ANKFN1: variants seen among roughly 807,000 people sequenced by gnomAD.
ANKFN1 encodes ankyrin repeat and fibronectin type III domain containing 1, also known as ankyrin repeat and fibronectin type-III domain-containing protein 1.
In ANKFN1, 74 loss-of-function variants were observed where a neutral mutation model predicts 108.7. That is an observed-to-expected ratio of 0.68 (90% CI 0.56 to 0.83). The LOEUF is 0.83. Ranked by LOEUF, ANKFN1 falls within the 40% of genes least tolerant of loss-of-function variation. The pLI, the probability that ANKFN1 is intolerant of heterozygous loss-of-function variation, is 0.00. For missense variants in ANKFN1, 1,505 were observed against 1,382.3 expected, an observed-to-expected ratio of 1.09 and a Z score of -1.41; for synonymous variants, 547 against 516.2, an observed-to-expected ratio of 1.06 and a Z score of -0.81.
At chr17:56,048,429 A>G (rs1458189271) in intron 4 of ANKFN1, among the ~76,000 whole-genome samples, 3 of 152,218 alleles carry the variant, frequency 2.0e-5, no homozygotes, top group Non-Finnish European at 2.9e-5. Flanking sequence ...CATCAATAAT[A>G]TGGTCCAGAT....
At chr17:56,339,389 C>T (rs1418377225) in intron 4 of ANKFN1, among the ~76,000 whole-genome samples, 2 of 151,934 alleles carry the variant, frequency 1.3e-5, no homozygotes, top group Non-Finnish European at 2.9e-5. Flanking sequence ...TTTTGTTGTA[C>T]AGATTGTTTC....
chr17:56,347,626 G>A (rs2046139714), intron 4 of ANKFN1, among the ~76,000 whole-genome samples: 1 of 152,008 alleles, frequency 6.6e-6, no homozygotes, highest in Non-Finnish European at 1.5e-5. Flanking sequence ...ATAACAGAAA[G>A]TTGTCTTTCT....
intron 3 of ANKFN1, among the ~76,000 whole-genome samples, chr17:56,246,347 C>T (rs1286233190): frequency 6.6e-6 from 1 of 152,100 alleles, no homozygotes; most frequent in Non-Finnish European, 1.5e-5. Context: ...ATAATCTGCT[C>T]TATTCCCTTC....
At chr17:56,243,548 T>C (rs1396851387) in intron 3 of ANKFN1, among the ~76,000 whole-genome samples, 1 of 152,140 alleles carries the variant, frequency 6.6e-6, no homozygotes, top group African/African-American at 2.4e-5. Context: ...TGGTTTCAAG[T>C]AGTAAGCCCA....
chr17:56,108,011 G>A (rs957607877), intron 4 of ANKFN1, among the ~76,000 whole-genome samples: 3 of 151,662 alleles, frequency 2.0e-5, no homozygotes, highest in African/African-American at 4.8e-5. Context: ...ACATGCATGC[G>A]CCACCACACC....
At chr17:56,317,472 G>A (rs1405731816) in intron 3 of ANKFN1, among the ~76,000 whole-genome samples, 1 of 152,136 alleles carries the variant, frequency 6.6e-6, no homozygotes, top group African/African-American at 2.4e-5. Flanking sequence ...TGAAATGTTT[G>A]TTTGGAGGGC....
At chr17:56,244,692 G>A (rs896117019) in intron 3 of ANKFN1, among the ~76,000 whole-genome samples, 10 of 152,136 alleles carry the variant, frequency 6.6e-5, no homozygotes, top group Non-Finnish European at 1.2e-4. Context: ...GACAACCTCA[G>A]CAGAGCAGTT....
intron 8 of ANKFN1, among the ~76,000 whole-genome samples, chr17:56,434,317 C>T (rs978853068): frequency 6.7e-6 from 1 of 149,316 alleles, no homozygotes; most frequent in Non-Finnish European, 1.5e-5. Flanking sequence ...ATCTAGCCTT[C>T]TGATTCCAAC....
chr17:56,457,066 A>AAATTC, intron 12 of ANKFN1, 106 bp downstream of exon 12: 1 of 1,239,314 alleles, frequency 8.1e-7, no homozygotes, highest in Non-Finnish European at 1.1e-6. Flanking sequence ...CAAAACAATA[A>AAATTC]AATTCACTTT....
Position 56,353,932 on chromosome 17 carries a change from G to A in ANKFN1, c.487G>A (p.Asp163Asn), listed in dbSNP as rs1385079893. The change falls in exon 6 of 21, where the codon GAC becomes AAC. Residue 163 changes from aspartate to asparagine, a missense_variant. Transcript: ENST00000682825. ...GTATCAGTACACACCAGAAGAACTTGACCTCAACACACCTAACAGCGAGGG... is the reference window on the plus strand; with the variant it reads ...GTATCAGTACACACCAGAAGAACTTAACCTCAACACACCTAACAGCGAGGG... ...LLYQYTPEEL[D>N]LNTPNSEGLT... 6.2e-7 allele frequency: 1 copy of A among 1,613,852 alleles called. No homozygotes were observed. The highest frequency in any genetic ancestry group is 8.5e-7 in the Non-Finnish European group (1 of 1,179,986).
chr17:56,486,857 A>AC (rs1378808309), intron 18 of ANKFN1, among the ~76,000 whole-genome samples: 4 of 152,216 alleles, frequency 2.6e-5, no homozygotes, highest in Non-Finnish European at 5.9e-5. Flanking sequence ...TTTCAGTTTG[A>AC]CTTGTATAAG....
At chr17:56,291,866 A>G (rs1419463041) in intron 3 of ANKFN1, among the ~76,000 whole-genome samples, 1 of 152,230 alleles carries the variant, frequency 6.6e-6, no homozygotes, top group Non-Finnish European at 1.5e-5. Context: ...AAATTGTCAA[A>G]TGACCCTAGT....
intron 1 of ANKFN1, among the ~76,000 whole-genome samples, chr17:56,194,285 A>C (rs2143713999): frequency 6.6e-6 from 1 of 152,322 alleles, no homozygotes; most frequent in African/African-American, 2.4e-5. Context: ...GGAGTTGGAA[A>C]CTTATATCCA....
chr17:56,454,525 T>C (rs985526494), intron 11 of ANKFN1, among the ~76,000 whole-genome samples: 1 of 152,210 alleles, frequency 6.6e-6, no homozygotes, highest in Admixed American at 6.5e-5. Flanking sequence ...TGCTCAGATT[T>C]CAGAGAAGGG....
intron 3 of ANKFN1, among the ~76,000 whole-genome samples, chr17:56,266,561 G>C (rs114114502): frequency 2.0e-3 from 299 of 152,250 alleles, no homozygotes; most frequent in African/African-American, 6.8e-3. Flanking sequence ...TGTGTAAGTT[G>C]AGATCTTCTA....
upstream of ANKFN1, among the ~76,000 whole-genome samples, chr17:56,152,762 T>G (rs1469949745): frequency 6.6e-6 from 1 of 152,190 alleles, no homozygotes; most frequent in Non-Finnish European, 1.5e-5. Flanking sequence ...AACATACTCC[T>G]CCTTTGACAA....
rs762298865 is a variant in ANKFN1, at chr17:56,457,845, G to T, written c.1441-18G>T. On this transcript the variant is annotated intron_variant, in intron 13 of 20. Coordinates refer to ENST00000682825, the MANE Select transcript of ANKFN1 (RefSeq NM_001370326.1). Reference sequence around the variant, plus strand: ...TACTGGCTTGGACGATGACATGATTGCATGCCTTCTTTTGCAGCTGTCTTG... The same window carrying T: ...TACTGGCTTGGACGATGACATGATTTCATGCCTTCTTTTGCAGCTGTCTTG... The T allele has an allele frequency of 6.3e-7, 1 of 1,581,796 alleles. No homozygotes were observed.
intron 1 of ANKFN1, among the ~76,000 whole-genome samples, chr17:56,158,599 C>G (rs1909331471): frequency 6.6e-6 from 1 of 152,168 alleles, no homozygotes; most frequent in South Asian, 2.1e-4. Flanking sequence ...AAATAAGAAA[C>G]TGCTGAAATG....
At chr17:56,382,364 A>G (rs1458153467) in intron 8 of ANKFN1, among the ~76,000 whole-genome samples, 2 of 152,226 alleles carry the variant, frequency 1.3e-5, no homozygotes, top group Non-Finnish European at 2.9e-5. Context: ...GGTACCAGCC[A>G]CTACAAAATC....
Sources: gnomAD v4.1 joint callset for allele counts (sites outside exome capture counted in the v4.1 genomes callset) on GRCh38, gnomAD v4.1.1 for gene constraint, MANE v1.5 for transcripts, NCBI Gene and HGNC (gene_info 2026-07-23, HGNC 2026-07-21) for gene names.